NRG3: variants seen among roughly 807,000 people sequenced by gnomAD.
NRG3 encodes the protein neuregulin 3, also known as pro-neuregulin-3, membrane-bound isoform.
NRG3 carries 31 observed loss-of-function variants against 66.9 expected under a neutral mutation model. The observed-to-expected ratio is 0.46, with a 90% confidence interval of 0.35 to 0.63. The LOEUF is 0.63. NRG3 is among the 20% of genes least tolerant of loss of function. The pLI, the probability that NRG3 is intolerant of heterozygous loss-of-function variation, is 0.00. For synonymous variants in NRG3, 393 were observed against 359.4 expected, an observed-to-expected ratio of 1.09 and a Z score of -1.06; for missense variants, 910 against 878.9, an observed-to-expected ratio of 1.04 and a Z score of -0.45.
At chr10:82,816,635 C>T (rs2061717721) in intron 3 of NRG3, among the ~76,000 whole-genome samples, 1 of 152,196 alleles carries the variant, frequency 6.6e-6, no homozygotes, top group Admixed American at 6.5e-5. Flanking sequence ...TACCCCTTCC[C>T]ACAGAGGAGC....
intron 2 of NRG3, among the ~76,000 whole-genome samples, chr10:82,714,389 C>T (rs1334626373): frequency 6.6e-6 from 1 of 152,186 alleles, no homozygotes; most frequent in Non-Finnish European, 1.5e-5. Context: ...CTGCAGAAAG[C>T]AGCTCTGTTT....
intron 2 of NRG3, among the ~76,000 whole-genome samples, chr10:82,392,012 A>C: frequency 1.7e-5 from 1 of 58,300 alleles, no homozygotes; most frequent in African/African-American, 6.6e-5. Flanking sequence ...AAAAAAAAAC[A>C]AAAAAAAAAC....
intron 5 of NRG3, among the ~76,000 whole-genome samples, chr10:82,954,059 T>C (rs1849798097): frequency 6.6e-6 from 1 of 151,822 alleles, no homozygotes; most frequent in Non-Finnish European, 1.5e-5. Flanking sequence ...CCCATGGTTT[T>C]CCACACTAGA....
At chr10:82,532,947 T>C (rs2132664106) in intron 2 of NRG3, among the ~76,000 whole-genome samples, 1 of 151,740 alleles carries the variant, frequency 6.6e-6, no homozygotes, top group East Asian at 1.9e-4. Flanking sequence ...CATGTTATTT[T>C]CTGGGGTTTT....
At chr10:82,068,071 A>G (rs1305445290) in intron 1 of NRG3, among the ~76,000 whole-genome samples, 8 of 152,190 alleles carry the variant, frequency 5.3e-5, no homozygotes, top group Non-Finnish European at 1.2e-4. Context: ...TGCGTCGAAG[A>G]ATGGTTGAGT....
intron 1 of NRG3, among the ~76,000 whole-genome samples, chr10:81,895,395 C>G (rs1429958550): frequency 6.6e-6 from 1 of 152,096 alleles, no homozygotes; most frequent in Non-Finnish European, 1.5e-5. Flanking sequence ...GATTATTGAT[C>G]CCAATACTCT....
chr10:82,950,772 T>G (rs1242045869), intron 4 of NRG3, among the ~76,000 whole-genome samples: 1 of 152,202 alleles, frequency 6.6e-6, no homozygotes, highest in African/African-American at 2.4e-5. Context: ...TTTAGGTAGA[T>G]ACAGGTTAAG....
chr10:82,258,778 T>C (rs915460793), intron 1 of NRG3, among the ~76,000 whole-genome samples: 1 of 152,154 alleles, frequency 6.6e-6, no homozygotes, highest in African/African-American at 2.4e-5. Context: ...AATGTGAAGG[T>C]TGGAGGTGTG....
intron 1 of NRG3, among the ~76,000 whole-genome samples, chr10:82,190,446 A>G (rs2074072156): frequency 6.6e-6 from 1 of 152,204 alleles, no homozygotes; most frequent in Admixed American, 6.5e-5. Flanking sequence ...TAACATATGC[A>G]AAGTTGATAT....
chr10:82,834,645 A>G (rs2135703035), intron 3 of NRG3, among the ~76,000 whole-genome samples: 1 of 152,326 alleles, frequency 6.6e-6, no homozygotes, highest in South Asian at 2.1e-4. Flanking sequence ...TAATACCATC[A>G]ACCACTCAAG....
intron 4 of NRG3, among the ~76,000 whole-genome samples, chr10:82,880,838 T>C (rs1842238435): frequency 6.6e-6 from 1 of 152,266 alleles, no homozygotes; most frequent in African/African-American, 2.4e-5. Context: ...TGTTGTTTAC[T>C]TGTAAAGCCA....
chr10:82,520,367 T>G (rs773005041), intron 2 of NRG3, among the ~76,000 whole-genome samples: 1 of 151,968 alleles, frequency 6.6e-6, no homozygotes, highest in Non-Finnish European at 1.5e-5. Context: ...CCCAGTAAGA[T>G]GATGGGAGTC....
intron 4 of NRG3, among the ~76,000 whole-genome samples, chr10:82,921,068 A>C (rs1564632002): frequency 6.6e-6 from 1 of 152,172 alleles, no homozygotes; most frequent in Non-Finnish European, 1.5e-5. Context: ...GAAAAAAAAA[A>C]AGTAACATTA....
chr10:82,768,245 GTCTCAGACTTC>G (rs2059590229), intron 3 of NRG3, among the ~76,000 whole-genome samples: 1 of 152,046 alleles, frequency 6.6e-6, no homozygotes, highest in African/African-American at 2.4e-5. Context: ...CACGTTTTTA[GTCTCAGACTTC>G]TCTGTGGTTT....
chr10:82,827,163 A>G (rs1199693546), intron 3 of NRG3: 2 of 342,146 alleles, frequency 5.8e-6, no homozygotes, highest in Non-Finnish European at 1.1e-5. Context: ...ACAAGTTCTC[A>G]TCTTCATAGC....
intron 3 of NRG3, among the ~76,000 whole-genome samples, chr10:82,752,430 A>G (rs561310369): frequency 6.6e-6 from 1 of 152,292 alleles, no homozygotes; most frequent in African/African-American, 2.4e-5. Flanking sequence ...CTCTTTTTAT[A>G]TAAATAACAG....
At chr10:82,240,922 C>G (rs948477488) in intron 1 of NRG3, among the ~76,000 whole-genome samples, 14 of 151,792 alleles carry the variant, frequency 9.2e-5, no homozygotes, top group African/African-American at 2.9e-4. Flanking sequence ...TTTAAAAAAC[C>G]CTGTTACAAT....
At chr10:82,659,773 G>GT (rs1455902453) in intron 2 of NRG3, among the ~76,000 whole-genome samples, 2 of 152,168 alleles carry the variant, frequency 1.3e-5, no homozygotes, top group Non-Finnish European at 2.9e-5. Flanking sequence ...AATGACTCTA[G>GT]TAATGGCAAT....
intron 4 of NRG3, among the ~76,000 whole-genome samples, chr10:82,911,081 T>G (rs1409983944): frequency 6.6e-6 from 1 of 152,224 alleles, no homozygotes; most frequent in Middle Eastern, 3.2e-3. Flanking sequence ...CTTCTGAATT[T>G]TCCATTTAGC....
Sources: allele counts gnomAD v4.1 joint callset (sites outside exome capture counted in the v4.1 genomes callset), GRCh38; gene constraint gnomAD v4.1.1; transcripts MANE v1.5; gene names NCBI Gene and HGNC (gene_info 2026-07-23, HGNC 2026-07-21).